The following ACAN variants were observed in gnomAD, a reference collection of about 807,000 sequenced individuals.
The protein encoded by ACAN is aggrecan, also known as aggrecan core protein.
A neutral mutation model predicts 169.1 loss-of-function variants in ACAN; 47 were observed. The observed-to-expected ratio is 0.28, with a 90% CI of 0.22 to 0.35. The LOEUF is 0.35. Ranked by LOEUF, ACAN falls within the 10% of genes least tolerant of loss-of-function variation. The pLI, the probability that ACAN is intolerant of heterozygous loss-of-function variation, is 1.00. For missense variants in ACAN, 2,716 were observed against 2,759.9 expected (o/e 0.98, Z 0.36); for synonymous variants, 1,115 against 1,112.2 (o/e 1.00, Z -0.05).
At chr15:88,818,111 T>C (rs553106829) in intron 1 of ACAN, among the ~76,000 whole-genome samples, 16 of 152,212 alleles carry the variant, frequency 1.1e-4, no homozygotes, top group Non-Finnish European at 2.4e-4. Flanking sequence ...GACTATTCTA[T>C]GTGCCAGGCT....
In ACAN at chr15:88,866,581, G is replaced by T. The variant is rs73458246; in HGVS notation, c.6947-1635G>T. Among the ~76,000 whole-genome samples the T allele has an allele frequency of 6.6e-6, 1 of 151,988 alleles. No homozygotes were observed. Among genetic ancestry groups the T allele is most frequent in the African/African-American group, 2.4e-5 (1 of 41,374 alleles). On this transcript the variant is annotated intron_variant, in intron 13 of 18. Transcript: ENST00000560601. This position sits in a 1 kb window ranked among gnomAD's most constrained non-coding sequence, Gnocchi z 5.6. ...GTTCTAGTCTATGGTGTGCCCCCCC[G>T]AGATGAAGTTAAAGACTTCATGGGA...
chr15:88,835,635 A>T (rs1896483752), intron 1 of ACAN, among the ~76,000 whole-genome samples: 1 of 152,212 alleles, frequency 6.6e-6, no homozygotes, highest in African/African-American at 2.4e-5. Flanking sequence ...GGAAGAGCAG[A>T]TGTTTCAATT....
chr15:88,833,048 A>AT (rs1896404230), intron 1 of ACAN, among the ~76,000 whole-genome samples: 2 of 152,162 alleles, frequency 1.3e-5, no homozygotes, highest in Admixed American at 1.3e-4. Flanking sequence ...TCCACTGCAC[A>AT]TGTTGCTGGA....
Position 88,843,820 on chromosome 15 carries a change from C to T in ACAN, c.1051+172C>T, listed in dbSNP as rs1353301072. Among the ~76,000 whole-genome samples, 8 of 152,188 alleles carry T rather than the reference C, an allele frequency of 5.3e-5. No homozygotes were observed. Among genetic ancestry groups the T allele is most frequent in the Non-Finnish European group, 1.2e-4 (8 of 68,016 alleles). On this transcript the variant is annotated intron_variant, in intron 6 of 18. Coordinates refer to ENST00000560601, the MANE Select transcript of ACAN (RefSeq NM_001369268.1). The surrounding 1 kb of genome is among the most constrained non-coding windows in gnomAD (Gnocchi z 4.0). ...CATTTTCACTGGTTCCTAGGAAGCCCTAAGGTAGAGACTCTTGAGACTGCA... is the reference window on the plus strand; with the variant it reads ...CATTTTCACTGGTTCCTAGGAAGCCTTAAGGTAGAGACTCTTGAGACTGCA...
Position 88,854,863 on chromosome 15 carries a change from A to C in ACAN, c.2278A>C (p.Thr760Pro). 6.7e-7 allele frequency: 1 copy of C among 1,491,062 alleles called. No homozygotes were observed. Among genetic ancestry groups the C allele is most frequent in the Non-Finnish European group, 8.9e-7 (1 of 1,122,164 alleles). 92.4% of individuals were successfully genotyped at this position (1,491,062 alleles called of 1,614,324 possible). A position where few individuals can be genotyped will look rare whatever the true frequency, so the allele number is the denominator to read the frequency against. ...GTSPLPGILP[T>P]WPPTGAATEE... ...CTTCTTTCCTACAGGGATCCTTCCT[A>C]CTTGGCCTCCCACTGGCGCAGCAAC... Residue 760 changes from threonine to proline, a missense_variant, in exon 12 of 19, where the codon ACT (threonine) becomes CCT (proline). Thr to Pro is a conservative substitution (Grantham distance 38). This residue lies in a region of ACAN where 1,283 missense variants were observed against 1,281.5 expected (regional missense o/e 1.00). Transcript: ENST00000560601.
In ACAN at chr15:88,868,838, G is replaced by A. The variant is rs1897322665; in HGVS notation, c.7060+509G>A. Among the ~76,000 whole-genome samples, 1 of 152,198 alleles carries A rather than the reference G, an allele frequency of 6.6e-6. No individual in the cohort carries two copies. Among genetic ancestry groups the A allele is most frequent in the Non-Finnish European group, 1.5e-5 (1 of 68,044 alleles). ...GGTTGGTCTGCCTGAGATCTCCCGTGTCATCAGCATGCTCAAGTCATGCAT... is the reference window on the plus strand; with the variant it reads ...GGTTGGTCTGCCTGAGATCTCCCGTATCATCAGCATGCTCAAGTCATGCAT... On this transcript the variant is annotated intron_variant, in intron 14 of 18. Transcript: ENST00000560601. The surrounding 1 kb of genome is among the most constrained non-coding windows in gnomAD (Gnocchi z 5.2).
intron 13 of ACAN, among the ~76,000 whole-genome samples, chr15:88,863,557 A>G (rs1021191619): frequency 6.6e-6 from 1 of 152,214 alleles, no homozygotes; most frequent in African/African-American, 2.4e-5. Flanking sequence ...CAGATCTCAC[A>G]TCCAATTTCC....
rs1490923506 is a variant in ACAN, at chr15:88,873,594, C to G, written c.7448-248C>G. 1.9e-6 allele frequency: 1 copy of G among 538,778 alleles called. No homozygotes were observed. Among genetic ancestry groups the G allele is most frequent in the Non-Finnish European group, 3.3e-6 (1 of 301,210 alleles). The allele number at this position is 538,778 out of a possible 1,614,324, so 33.4% of individuals were successfully genotyped here. A position where few individuals can be genotyped will look rare whatever the true frequency, so the allele number is the denominator to read the frequency against. On this transcript the variant is annotated intron_variant, in intron 17 of 18. Transcript: ENST00000560601. The surrounding 1 kb of genome is among the most constrained non-coding windows in gnomAD (Gnocchi z 7.5). Reference sequence around the variant, plus strand: ...GCTCTCGCCCTCCACACCTTTCTACCTCCCTTTCATCTTCTCTTCATCCCT... The same window carrying G: ...GCTCTCGCCCTCCACACCTTTCTACGTCCCTTTCATCTTCTCTTCATCCCT...
At chr15:88,833,590 C>T (rs1896419899) in intron 1 of ACAN, among the ~76,000 whole-genome samples, 1 of 152,086 alleles carries the variant, frequency 6.6e-6, no homozygotes, top group East Asian at 1.9e-4. Context: ...GGAATTTCTC[C>T]CTATTTTCTT....
At position 88,840,191 on chromosome 15, in the gene ACAN, G is replaced by A. The variant is rs763977040; in HGVS notation, c.629+5G>A. The A allele has an allele frequency of 2.3e-5, 36 of 1,587,284 alleles. No homozygotes were observed. The highest frequency in any genetic ancestry group is 3.0e-5 in the Non-Finnish European group (35 of 1,168,562). The stretch of plus-strand genomic sequence containing the variant: ...GCTGGCTGACCAGACTGTCAGGTGA[G>A]CCCTAGCCCATCAGCTAGTGGGGGC... On this transcript the variant is annotated splice_donor_5th_base_variant and intron_variant, in intron 4 of 18. Transcript: ENST00000560601.
chr15:88,871,609 G>T lies in ACAN; in HGVS notation c.7219+69G>T, dbSNP rs1257149555. 3 of 1,520,886 alleles carry T rather than the reference G, an allele frequency of 2.0e-6. No individual in the cohort carries two copies. The African/African-American group carries it at 4.1e-5, about 21-fold the overall frequency. 94.2% of individuals were successfully genotyped at this position (1,520,886 alleles called of 1,614,324 possible). A position where few individuals can be genotyped will look rare whatever the true frequency, so the allele number is the denominator to read the frequency against. On this transcript the variant is annotated intron_variant, in intron 15 of 18. Transcript: ENST00000560601. The surrounding 1 kb of genome is among the most constrained non-coding windows in gnomAD (Gnocchi z 7.8). ...TGTAGGCAAAGGGCCTCACCTTTCA[G>T]AAGGCAGCAGATTTGGGCCTCGTGA...
chr15:88,843,332 C>A lies in ACAN; in HGVS notation c.758-23C>A, dbSNP rs769605439. 1.3e-6 allele frequency: 2 copies of A among 1,544,680 alleles called. No homozygotes were observed. The highest frequency in any genetic ancestry group is 1.2e-5 in the South Asian group (1 of 80,108). ...GGGGGAGGGGGGAGAAGACCCTTAC[C>A]CAGCTGGCTGTGTCCTTCACAGGTG... On this transcript the variant is annotated intron_variant, in intron 5 of 18. Coordinates refer to ENST00000560601, the MANE Select transcript of ACAN (RefSeq NM_001369268.1). The surrounding 1 kb of genome is among the most constrained non-coding windows in gnomAD (Gnocchi z 4.0).
At chr15:88,816,710 T>G (rs1165165188) in intron 1 of ACAN, among the ~76,000 whole-genome samples, 1 of 152,172 alleles carries the variant, frequency 6.6e-6, no homozygotes, top group Non-Finnish European at 1.5e-5. Context: ...TACCCTGATA[T>G]CTACCATAAG....
chr15:88,807,296 G>A lies in ACAN; in HGVS notation c.-8+3487G>A, dbSNP rs1393348317. Reference sequence around the variant, plus strand: ...AGGGGACAGGCCAGCAGCTGCCCTGGGAAAGGGGATCAGGAGCACATCTTG... The same window carrying A: ...AGGGGACAGGCCAGCAGCTGCCCTGAGAAAGGGGATCAGGAGCACATCTTG... On this transcript the variant is annotated intron_variant, in intron 1 of 18. Transcript: ENST00000560601. The surrounding 1 kb of genome is among the most constrained non-coding windows in gnomAD (Gnocchi z 4.0). Among the ~76,000 whole-genome samples, 1 of 152,200 alleles carries A rather than the reference G, an allele frequency of 6.6e-6. No individual in the cohort carries two copies. The highest frequency in any genetic ancestry group is 1.5e-5 in the Non-Finnish European group (1 of 68,030).
Position 88,858,489 on chromosome 15 carries a change from T to C in ACAN, c.5904T>C (p.His1968=), listed in dbSNP as rs778604362. 1 of 1,613,818 alleles carries C rather than the reference T, an allele frequency of 6.2e-7. No homozygotes were observed. The highest frequency in any genetic ancestry group is 8.5e-7 in the Non-Finnish European group (1 of 1,179,894). ...GCATTTTAGAACTCAGTGGTGCTCA[T>C]TCTGGAGCACCAGACATGTCTGGGG... ...PSGILELSGA[H]SGAPDMSGEH... is the part of the protein sequence containing the mutation. The change falls in exon 12 of 19, where the codon CAT becomes CAC. Residue 1968 remains histidine, a synonymous_variant. Coordinates refer to ENST00000560601, the MANE Select transcript of ACAN (RefSeq NM_001369268.1). The surrounding 1 kb of genome is among the most constrained non-coding windows in gnomAD (Gnocchi z 4.0).
Position 88,843,440 on chromosome 15 carries a change from C to T in ACAN, c.843C>T (p.Ala281=). 2 of 1,608,762 alleles carry T rather than the reference C, an allele frequency of 1.2e-6. No individual in the cohort carries two copies. ...GCCGGCGGCTGGGTGCCCGGCTGGC[C>T]ACCACGGGCCAGCTCTACCTGGCCT... ...NECRRLGARL[A]TTGQLYLAWQ... is the part of the protein sequence containing the mutation. Residue 281 remains alanine (A), a synonymous_variant, in exon 6 of 19, where the codon GCC becomes GCT. Coordinates refer to ENST00000560601, the MANE Select transcript of ACAN (RefSeq NM_001369268.1). This position sits in a 1 kb window ranked among gnomAD's most constrained non-coding sequence, Gnocchi z 4.0.
chr15:88,861,677 G>A lies in ACAN; in HGVS notation c.6946+1238G>A, dbSNP rs1596150301. On this transcript the variant is annotated intron_variant, in intron 13 of 18. Transcript: ENST00000560601. This position sits in a 1 kb window ranked among gnomAD's most constrained non-coding sequence, Gnocchi z 6.3. ...CAGAAGGGGACAGCATTTCCACTGGGCCATAGTGACCCCAGGGACCATAGC... is the reference window on the plus strand; with the variant it reads ...CAGAAGGGGACAGCATTTCCACTGGACCATAGTGACCCCAGGGACCATAGC... Among the ~76,000 whole-genome samples, 1 of 152,216 alleles carries A rather than the reference G, an allele frequency of 6.6e-6. No individual in the cohort carries two copies. Among genetic ancestry groups the A allele is most frequent in the Middle Eastern group, 3.4e-3 (1 of 294 alleles).
rs1316757684 is a variant in ACAN, at chr15:88,859,152, C to T, written c.6567C>T (p.Pro2189=). The change falls in exon 12 of 19, where the codon CCC becomes CCT. Residue 2189 remains proline, a synonymous_variant. Transcript: ENST00000560601. Reference sequence around the variant, plus strand: ...CACCAGGCTTGCCTTCAGCCACTCCCACGGCTTCTGGAGACAGGACTGAAA... The same window carrying T: ...CACCAGGCTTGCCTTCAGCCACTCCTACGGCTTCTGGAGACAGGACTGAAA... ...TEAPGLPSAT[P]TASGDRTEIS... The T allele has an allele frequency of 1.9e-6, 3 of 1,613,712 alleles. No homozygotes were observed. Among genetic ancestry groups the T allele is most frequent in the Admixed American group, 3.3e-5 (2 of 60,010 alleles).
Position 88,873,533 on chromosome 15 carries a change from A to G in ACAN, c.7448-309A>G, listed in dbSNP as rs975024586. On this transcript the variant is annotated intron_variant, in intron 17 of 18. Transcript: ENST00000560601. This position sits in a 1 kb window ranked among gnomAD's most constrained non-coding sequence, Gnocchi z 7.5. ...TCCTTTCAGTCTCATTTTCCCCTGA[A>G]CTAGATGTTTTCATCAAGAAGCCTG... 6.6e-6 allele frequency among the ~76,000 whole-genome samples: 1 copy of G among 152,118 alleles called. No individual in the cohort carries two copies. The highest frequency in any genetic ancestry group is 1.5e-5 in the Non-Finnish European group (1 of 68,026).
Sources: gnomAD v4.1 joint callset for allele counts (sites outside exome capture counted in the v4.1 genomes callset) on GRCh38, gnomAD v4.1.1 for gene constraint, gnomAD v4.1.1 regional missense constraint, Gnocchi (gnomAD v3.1) non-coding constraint, MANE v1.5 for transcripts, NCBI Gene and HGNC (gene_info 2026-07-23, HGNC 2026-07-21) for gene names.